The following ARHGEF6 variants were observed in gnomAD, a reference collection of about 807,000 sequenced individuals.
The protein encoded by ARHGEF6 is rho guanine nucleotide exchange factor 6.
Under a neutral mutation model 70.3 loss-of-function variants are expected in ARHGEF6, and 9 were observed. The observed-to-expected ratio is 0.13, with a 90% CI of 0.08 to 0.22. The LOEUF is 0.22. Among genes scored for constraint, ARHGEF6 ranks in the 10% least tolerant of loss-of-function variants. The pLI, the probability that ARHGEF6 is intolerant of heterozygous loss-of-function variation, is 1.00. For synonymous variants in ARHGEF6, 201 were observed against 207.8 expected, an observed-to-expected ratio of 0.97 and a Z score of 0.28; for missense variants, 470 against 563.0, an observed-to-expected ratio of 0.83 and a Z score of 1.67.
At chrX:136,742,601 G>C (rs2077055483) in intron 5 of ARHGEF6, among the ~76,000 whole-genome samples, 1 of 111,656 alleles carries the variant, frequency 9.0e-6, no homozygotes, top group African/African-American at 3.3e-5. Context: ...AGGGTTTGCT[G>C]GGTTTTTTGC....
intron 18 of ARHGEF6, 99 bp from the exon 19 acceptor site, chrX:136,675,195 C>A: frequency 2.7e-6 from 2 of 735,056 alleles, no homozygotes; most frequent in Non-Finnish European, 4.2e-6. Context: ...CTTCTCTGAC[C>A]AGTAGAGTTT....
chrX:136,677,649 C>G (rs2076293705), intron 17 of ARHGEF6, among the ~76,000 whole-genome samples: 2 of 110,669 alleles, frequency 1.8e-5, no homozygotes, highest in African/African-American at 6.6e-5. Flanking sequence ...CACTTGAAAA[C>G]AAGACAGATA....
chrX:136,745,465 T>C (rs1167382498), intron 3 of ARHGEF6, 118 bp from the exon 4 acceptor site: 2 of 941,102 alleles, frequency 2.1e-6, no homozygotes, highest in African/African-American at 3.8e-5. Context: ...TTCTAACTGT[T>C]ATCATTATGA....
chrX:136,760,666 T>TAAAGCCATAAATGGC (rs2077256272), intron 2 of ARHGEF6, among the ~76,000 whole-genome samples: 2 of 112,053 alleles, frequency 1.8e-5, no homozygotes, highest in African/African-American at 6.5e-5. Flanking sequence ...ATACTGTGTT[T>TAAAGCCATAAATGGC]TTTAAATAGA....
At chrX:136,772,595 G>T (rs2077371476) in intron 2 of ARHGEF6, among the ~76,000 whole-genome samples, 1 of 112,622 alleles carries the variant, frequency 8.9e-6, no homozygotes, top group Admixed American at 9.4e-5. Flanking sequence ...TGTGGGCCAG[G>T]CACAGTGGCT....
chrX:136,686,627 T>TATATATATATATATATATATATACAC (rs1569393860), intron 11 of ARHGEF6, among the ~76,000 whole-genome samples: 103 of 52,289 alleles, frequency 2.0e-3, no homozygotes, highest in African/African-American at 3.6e-3. Flanking sequence ...TATATACACA[T>TATATATATATATATATATATATACAC]ATATATATAT....
intron 6 of ARHGEF6, among the ~76,000 whole-genome samples, chrX:136,731,369 G>C (rs1395661494): frequency 8.9e-6 from 1 of 111,875 alleles, no homozygotes; most frequent in East Asian, 2.8e-4. Context: ...TTCAGCTGAG[G>C]TGGTGAGGCA....
At chrX:136,699,599 G>A (rs181087241) in intron 9 of ARHGEF6, among the ~76,000 whole-genome samples, 2 of 111,075 alleles carry the variant, frequency 1.8e-5, no homozygotes, top group East Asian at 5.6e-4. Context: ...AAAATCTGGA[G>A]AAACAGTGAA....
chrX:136,742,179 C>T (rs933462638), intron 5 of ARHGEF6, among the ~76,000 whole-genome samples: 2 of 111,214 alleles, frequency 1.8e-5, no homozygotes, highest in Admixed American at 9.5e-5. Flanking sequence ...TTTAGCCAGG[C>T]GTGGTGGCAG....
intron 2 of ARHGEF6, among the ~76,000 whole-genome samples, chrX:136,768,115 C>T (rs1179637192): frequency 9.0e-6 from 1 of 111,222 alleles, no homozygotes; most frequent in African/African-American, 3.3e-5. Context: ...GCTGAGACAC[C>T]CGAGAAGCGT....
intron 2 of ARHGEF6, among the ~76,000 whole-genome samples, chrX:136,773,273 T>C (rs1392358301): frequency 8.9e-6 from 1 of 112,493 alleles, no homozygotes. Flanking sequence ...TTGCTTTTTG[T>C]ACATCTACAG....
chrX:136,778,767 T>C (rs1470456364), intron 2 of ARHGEF6, among the ~76,000 whole-genome samples: 1 of 111,738 alleles, frequency 8.9e-6, no homozygotes, highest in East Asian at 2.8e-4. Flanking sequence ...GCATGAGCCA[T>C]CATGCCCGGC....
intron 6 of ARHGEF6, among the ~76,000 whole-genome samples, chrX:136,719,638 G>T (rs1603343883): frequency 9.0e-6 from 1 of 110,645 alleles, no homozygotes; most frequent in African/African-American, 3.3e-5. Flanking sequence ...GCACACAGAA[G>T]AAAAGAAATA....
intron 10 of ARHGEF6, among the ~76,000 whole-genome samples, chrX:136,689,707 G>C (rs2076439741): frequency 9.0e-6 from 1 of 111,435 alleles, no homozygotes; most frequent in African/African-American, 3.3e-5. Context: ...GCAGAGTGCG[G>C]GTGCACTCTT....
intron 2 of ARHGEF6, among the ~76,000 whole-genome samples, chrX:136,773,447 G>C: frequency 8.9e-6 from 1 of 111,990 alleles, no homozygotes; most frequent in South Asian, 3.7e-4. Context: ...GAGTCTTCTT[G>C]GCTGCTTCGT....
At chrX:136,745,125 A>T in intron 4 of ARHGEF6, 98 bp downstream of exon 4, 1 of 1,099,122 alleles carries the variant, frequency 9.1e-7, no homozygotes, top group South Asian at 1.8e-5. Context: ...GCCCAAAACA[A>T]CCCGGATGGC....
At chrX:136,691,510 G>C (rs2076458009) in intron 9 of ARHGEF6, among the ~76,000 whole-genome samples, 1 of 112,426 alleles carries the variant, frequency 8.9e-6, no homozygotes, top group Non-Finnish European at 1.9e-5. Flanking sequence ...GGGGCTGCAA[G>C]ATCATTTTGA....
intron 5 of ARHGEF6, 136 bp downstream of exon 5, chrX:136,743,449 T>C (rs913401400): frequency 8.8e-5 from 51 of 579,832 alleles, no homozygotes; most frequent in Non-Finnish European, 1.3e-4. Context: ...CCCAGTTCTG[T>C]TCTACTCTTA....
At position 136,780,804 on chromosome X, in the gene ARHGEF6, G is replaced by A. The variant is rs373683437; in HGVS notation, c.79C>T (p.Pro27Ser). The change falls in exon 1 of 22, where the codon CCG (proline) becomes TCG (serine). Residue 27 changes from proline to serine, a missense_variant. This residue lies in a region of ARHGEF6 where 379 missense variants were observed against 449.3 expected (regional missense o/e 0.84). Coordinates refer to ENST00000250617, the MANE Select transcript of ARHGEF6 (RefSeq NM_004840.3). ...AGCGAGGACTTTAAAAACTCCTCCG[G>A]ATCACAGATGGTCTTTTTAGGGGAC... is the stretch of plus-strand genomic sequence containing the variant. Reference protein sequence around the residue: ...LESPKKTICDPEEFLKSSLKN... With the variant: ...LESPKKTICDSEEFLKSSLKN... The A allele has an allele frequency of 8.3e-7, 1 of 1,208,724 alleles. No homozygotes were observed. Among genetic ancestry groups the A allele is most frequent in the African/African-American group, 1.8e-5 (1 of 56,843 alleles).
Sources: allele counts gnomAD v4.1 joint callset (sites outside exome capture counted in the v4.1 genomes callset), GRCh38; gene constraint gnomAD v4.1.1; regional missense constraint gnomAD v4.1.1; transcripts MANE v1.5; gene names NCBI Gene and HGNC (gene_info 2026-07-23, HGNC 2026-07-21).